Variants in ACYP2 observed in about 807,000 individuals in gnomAD.
The protein encoded by ACYP2 is acylphosphatase 2.
Under a neutral mutation model 11.2 loss-of-function variants are expected in ACYP2, and 12 were observed. The observed-to-expected ratio is 1.08, with a 90% CI of 0.69 to 1.74. The LOEUF is 1.74. Among genes scored for constraint, ACYP2 ranks in the 40% most tolerant of loss-of-function variants. The pLI, the probability that ACYP2 is intolerant of heterozygous loss-of-function variation, is 0.00. For missense variants in ACYP2, 134 were observed against 101.9 expected (o/e 1.31, Z -1.35); for synonymous variants, 43 against 32.2 (o/e 1.33, Z -1.13).
At chr2:54,239,190 C>T (rs1348894477) in intron 6 of ACYP2, among the ~76,000 whole-genome samples, 1 of 152,198 alleles carries the variant, frequency 6.6e-6, no homozygotes, top group Non-Finnish European at 1.5e-5. Context: ...CTCACTGGCA[C>T]CCACAGTATT....
At position 53,980,379 on chromosome 2, in the gene ACYP2, AAAG is replaced by A. The variant is rs1336531275; in HGVS notation, c.62+6572_62+6574del. Among the ~76,000 whole-genome samples, 3 of 151,976 alleles carry A rather than the reference AAAG, an allele frequency of 2.0e-5. No individual in the cohort carries two copies. In the South Asian group the frequency reaches 6.2e-4, roughly 32 times the overall value. On this transcript the variant is annotated intron_variant, in intron 2 of 6. Transcript: ENST00000607452. ...AAAAAAAAATTTTTTTTTTTTATAA[AAAG>A]AAAAAGTTACAGTAAGCTAAATTTA...
At chr2:54,050,122 C>T (rs114957043) in intron 2 of ACYP2, among the ~76,000 whole-genome samples, 57 of 152,238 alleles carry the variant, frequency 3.7e-4, no homozygotes, top group African/African-American at 1.3e-3. Context: ...TATAAAGAAT[C>T]AAATTTTTTT....
At chr2:54,303,987 C>T (rs1303989923) in intron 6 of ACYP2, among the ~76,000 whole-genome samples, 2 of 152,120 alleles carry the variant, frequency 1.3e-5, no homozygotes, top group African/African-American at 4.8e-5. Flanking sequence ...TGACCTAATG[C>T]ATAAATTAGA....
Position 54,039,819 on chromosome 2 carries a change from T to TGTGTGTG in ACYP2, c.63-11139_63-11138insGTGTGTG, listed in dbSNP as rs1675125815. 2.3e-4 allele frequency among the ~76,000 whole-genome samples: 29 copies of TGTGTGTG among 126,684 alleles called. No individual in the cohort carries two copies. In the East Asian group the frequency reaches 4.9e-3, roughly 22 times the overall value. 83.1% of individuals were successfully genotyped at this position (126,684 alleles called of 152,430 possible). A position where few individuals can be genotyped will look rare whatever the true frequency, so the allele number is the denominator to read the frequency against. On this transcript the variant is annotated intron_variant, in intron 2 of 6. Coordinates refer to ENST00000607452, the MANE Select transcript of ACYP2 (RefSeq NM_001320586.2). ...TTCTGTGTTTTATATTTGTTTTCTT[T>TGTGTGTG]TGTGTGTGTGTGTGTGTGTGTGTGT...
At chr2:54,107,147 A>G (rs1271784921) in intron 4 of ACYP2, among the ~76,000 whole-genome samples, 1 of 152,184 alleles carries the variant, frequency 6.6e-6, no homozygotes, top group African/African-American at 2.4e-5. Context: ...TGGCAGCAAC[A>G]GACCAGAAAT....
At chr2:54,271,391 G>T (rs945410842) in intron 6 of ACYP2, among the ~76,000 whole-genome samples, 1 of 152,090 alleles carries the variant, frequency 6.6e-6, no homozygotes, top group Non-Finnish European at 1.5e-5. Context: ...CCTACGATTG[G>T]GTTTTTGAGA....
chr2:54,263,609 T>TGACA (rs1005802213), intron 6 of ACYP2, among the ~76,000 whole-genome samples: 4 of 150,904 alleles, frequency 2.7e-5, no homozygotes, highest in African/African-American at 9.7e-5. Flanking sequence ...GGTGACATAG[T>TGACA]GACACACCCT....
intron 4 of ACYP2, 82 bp downstream of exon 1, chr2:54,115,838 A>C: frequency 7.1e-7 from 1 of 1,403,656 alleles, no homozygotes; most frequent in Non-Finnish European, 9.4e-7. Flanking sequence ...TCCCACCTAA[A>C]GTATGCCTTT....
chr2:54,226,829 G>T (rs1402666677), intron 6 of ACYP2, among the ~76,000 whole-genome samples: 1 of 152,172 alleles, frequency 6.6e-6, no homozygotes, highest in African/African-American at 2.4e-5. Flanking sequence ...TAGAGTTTGA[G>T]AAATGATTTT....
At chr2:54,012,631 T>C in intron 2 of ACYP2, among the ~76,000 whole-genome samples, 1 of 152,114 alleles carries the variant, frequency 6.6e-6, no homozygotes, top group East Asian at 1.9e-4. Context: ...CACCAGAATC[T>C]GGTGACTCCT....
At chr2:54,071,430 C>T (rs1677037423) in intron 4 of ACYP2, among the ~76,000 whole-genome samples, 1 of 151,770 alleles carries the variant, frequency 6.6e-6, no homozygotes, top group South Asian at 2.1e-4. Context: ...ACAAGTTTGG[C>T]AAGGTTGCAG....
intron 6 of ACYP2, among the ~76,000 whole-genome samples, chr2:54,166,013 T>C (rs567666519): frequency 1.2e-4 from 18 of 152,282 alleles, no homozygotes; most frequent in African/African-American, 3.6e-4. Context: ...TTCTAAAAGT[T>C]TGAAGTTTTA....
intron 4 of ACYP2, among the ~76,000 whole-genome samples, chr2:54,075,470 C>T (rs1677280413): frequency 1.3e-5 from 2 of 149,394 alleles, no homozygotes; most frequent in Admixed American, 1.3e-4. Context: ...TGCATCCTAT[C>T]CTGGGTGACA....
At chr2:53,989,137 G>A (rs1459579635) in intron 2 of ACYP2, among the ~76,000 whole-genome samples, 1 of 152,014 alleles carries the variant, frequency 6.6e-6, no homozygotes, top group African/African-American at 2.4e-5. Context: ...TCTTCTCATC[G>A]TTACTCTAAC....
intron 4 of ACYP2, among the ~76,000 whole-genome samples, chr2:54,071,926 A>G (rs1162087246): frequency 6.6e-6 from 1 of 151,986 alleles, no homozygotes; most frequent in Admixed American, 6.6e-5. Flanking sequence ...CAGGAGAATC[A>G]TTTGAACCCA....
At chr2:54,218,671 G>A (rs922379782) in intron 6 of ACYP2, among the ~76,000 whole-genome samples, 2 of 151,232 alleles carry the variant, frequency 1.3e-5, no homozygotes, top group Admixed American at 6.6e-5. Flanking sequence ...AAGCCTAGAG[G>A]TAGTCAGTCT....
chr2:54,176,769 A>G (rs1424361571), intron 6 of ACYP2, among the ~76,000 whole-genome samples: 1 of 152,098 alleles, frequency 6.6e-6, no homozygotes, highest in Non-Finnish European at 1.5e-5. Flanking sequence ...CCTTGGCCTC[A>G]GGGGGGCAGC....
At chr2:54,287,349 A>G (rs1476614075) in intron 6 of ACYP2, among the ~76,000 whole-genome samples, 2 of 152,090 alleles carry the variant, frequency 1.3e-5, no homozygotes, top group Admixed American at 1.3e-4. Flanking sequence ...CTCATGACCT[A>G]ATCACCTCCT....
intron 4 of ACYP2, among the ~76,000 whole-genome samples, chr2:54,097,081 G>A (rs1176223024): frequency 6.6e-6 from 1 of 152,138 alleles, no homozygotes; most frequent in African/African-American, 2.4e-5. Context: ...TAATTAAAAA[G>A]CAATAATTCA....
Sources: gnomAD v4.1 joint callset for allele counts (sites outside exome capture counted in the v4.1 genomes callset) on GRCh38, gnomAD v4.1.1 for gene constraint, MANE v1.5 for transcripts, NCBI Gene and HGNC (gene_info 2026-07-23, HGNC 2026-07-21) for gene names.